The following HPSE2 variants were observed in gnomAD, a reference collection of about 807,000 sequenced individuals.
HPSE2 encodes inactive heparanase-2.
In HPSE2, 38 loss-of-function variants were observed where a neutral mutation model predicts 60.5. That is an observed-to-expected ratio of 0.63 (90% CI 0.48 to 0.82). The LOEUF is 0.82. Ranked by LOEUF, HPSE2 falls within the 40% of genes least tolerant of loss-of-function variation. The probability of loss-of-function intolerance (pLI) is 0.00; values close to 1 mark genes in which losing one functional copy is unlikely to be tolerated. For synonymous variants in HPSE2, 295 were observed against 293.2 expected, an observed-to-expected ratio of 1.01 and a Z score of -0.06; for missense variants, 713 against 740.4, an observed-to-expected ratio of 0.96 and a Z score of 0.43.
chr10:98,981,603 T>C (rs187402306), intron 3 of HPSE2, among the ~76,000 whole-genome samples: 1 of 152,318 alleles, frequency 6.6e-6, no homozygotes, highest in African/African-American at 2.4e-5. Flanking sequence ...AGTCTTTGCA[T>C]AAAAGGACAC....
At chr10:98,529,201 G>A (rs17110158) in intron 9 of HPSE2, among the ~76,000 whole-genome samples, 10,990 of 152,196 alleles carry the variant, frequency 0.072, 1,289 homozygotes, top group African/African-American at 0.25. Context: ...AGCCTCTTTC[G>A]AAACTTCTAA....
intron 9 of HPSE2, among the ~76,000 whole-genome samples, chr10:98,535,801 G>C (rs1337900241): frequency 1.3e-5 from 2 of 152,042 alleles, no homozygotes; most frequent in Non-Finnish European, 2.9e-5. Context: ...CTCTTCATTA[G>C]ACCTTTCCAG....
intron 2 of HPSE2, among the ~76,000 whole-genome samples, chr10:99,184,478 T>C (rs1440614041): frequency 2.5e-5 from 3 of 122,328 alleles, no homozygotes; most frequent in African/African-American, 9.9e-5. Flanking sequence ...TGAGTTGAGA[T>C]CATGCCATTG....
At chr10:98,539,997 G>A (rs1409847662) in intron 9 of HPSE2, among the ~76,000 whole-genome samples, 1 of 152,220 alleles carries the variant, frequency 6.6e-6, no homozygotes, top group Non-Finnish European at 1.5e-5. Context: ...GGCCCTGCCT[G>A]GTCAGTGACA....
chr10:98,906,831 G>C (rs1953832498), intron 3 of HPSE2, among the ~76,000 whole-genome samples: 1 of 151,888 alleles, frequency 6.6e-6, no homozygotes, highest in Admixed American at 6.6e-5. Flanking sequence ...GTGAACCTGG[G>C]AGACAGAGGT....
intron 2 of HPSE2, among the ~76,000 whole-genome samples, chr10:99,217,562 C>T (rs1269974728): frequency 6.9e-6 from 1 of 144,478 alleles, no homozygotes; most frequent in Admixed American, 7.1e-5. Context: ...TTGAATTGGC[C>T]TAGGACCCAG....
chr10:99,039,709 G>GATGATCAT (rs895304376), intron 3 of HPSE2, among the ~76,000 whole-genome samples: 1 of 151,912 alleles, frequency 6.6e-6, no homozygotes, highest in Non-Finnish European at 1.5e-5. Context: ...TCATCATATT[G>GATGATCAT]CAATGGATTA....
intron 3 of HPSE2, among the ~76,000 whole-genome samples, chr10:98,809,904 G>A (rs183134814): frequency 1.1e-4 from 16 of 152,066 alleles, no homozygotes; most frequent in Non-Finnish European, 2.2e-4. Flanking sequence ...TTCTGAAAAG[G>A]TTTTACTTAA....
At chr10:98,900,043 T>G (rs1457775569) in intron 3 of HPSE2, among the ~76,000 whole-genome samples, 1 of 152,202 alleles carries the variant, frequency 6.6e-6, no homozygotes. Context: ...AAGTTAAACA[T>G]ACACTTGCCA....
At chr10:99,170,067 G>C (rs73333741) in intron 2 of HPSE2, among the ~76,000 whole-genome samples, 2 of 152,098 alleles carry the variant, frequency 1.3e-5, no homozygotes, top group African/African-American at 4.8e-5. Flanking sequence ...TCTGCAGACT[G>C]TACTTTGCTG....
At chr10:98,505,350 G>C (rs1329163215) in intron 9 of HPSE2, among the ~76,000 whole-genome samples, 1 of 152,194 alleles carries the variant, frequency 6.6e-6, no homozygotes, top group Non-Finnish European at 1.5e-5. Flanking sequence ...AGGTGATTCT[G>C]ATGCTCATTA....
intron 3 of HPSE2, among the ~76,000 whole-genome samples, chr10:99,080,321 A>T (rs1843092802): frequency 6.6e-6 from 1 of 152,160 alleles, no homozygotes; most frequent in Non-Finnish European, 1.5e-5. Flanking sequence ...AATAGCAACA[A>T]AAAGTGCTCT....
rs752872927 is a variant in HPSE2 at position 98,935,999 on chromosome 10, G to A, written c.611-191943C>T. Among the ~76,000 whole-genome samples, 167 of 144,694 alleles carry A rather than the reference G, an allele frequency of 1.2e-3. 10 individuals carry two copies. The highest frequency in any genetic ancestry group is 1.6e-3 in the Non-Finnish European group (107 of 67,224). 94.9% of individuals were successfully genotyped at this position (144,694 alleles called of 152,430 possible). ...TGGTGGACTCCTGCAGGGATGCCCTGCCCGGTGAGGGGGTATCTAGAGAAG... is the reference window on the plus strand; with the variant it reads ...TGGTGGACTCCTGCAGGGATGCCCTACCCGGTGAGGGGGTATCTAGAGAAG... On this transcript the variant is annotated intron_variant, in intron 3 of 11. Coordinates refer to ENST00000370552, the MANE Select transcript of HPSE2 (RefSeq NM_021828.5).
intron 3 of HPSE2, among the ~76,000 whole-genome samples, chr10:98,820,084 T>C (rs989996716): frequency 6.6e-6 from 1 of 152,112 alleles, no homozygotes; most frequent in Admixed American, 6.5e-5. Context: ...AGTCAAATTT[T>C]ATTTGTCTTC....
chr10:98,901,136 A>G (rs906018781), intron 3 of HPSE2, among the ~76,000 whole-genome samples: 2 of 152,194 alleles, frequency 1.3e-5, no homozygotes, highest in East Asian at 1.9e-4. Flanking sequence ...CATTTATACG[A>G]AACTCTAGAA....
At chr10:98,854,458 T>C (rs753573067) in intron 3 of HPSE2, among the ~76,000 whole-genome samples, 1 of 152,210 alleles carries the variant, frequency 6.6e-6, no homozygotes, top group Non-Finnish European at 1.5e-5. Flanking sequence ...CTCATAACTT[T>C]TCAACTTCTC....
At chr10:98,884,014 GA>G (rs1953097898) in intron 3 of HPSE2, among the ~76,000 whole-genome samples, 1 of 152,022 alleles carries the variant, frequency 6.6e-6, no homozygotes, top group Non-Finnish European at 1.5e-5. Flanking sequence ...GAAGAAAATA[GA>G]AATTTCTACT....
chr10:99,292,498 T>C, the HPSE2 span, among the ~76,000 whole-genome samples: 67 of 152,224 alleles, frequency 4.4e-4, no homozygotes, highest in Middle Eastern at 3.4e-3. Context: ...CTAGGTATTA[T>C]AGACATGAAT....
the HPSE2 span, among the ~76,000 whole-genome samples, chr10:99,292,724 A>AT: frequency 2.0e-5 from 3 of 152,310 alleles, no homozygotes; most frequent in Admixed American, 6.5e-5. Context: ...TAATATAAAA[A>AT]TGAGATATTT....
Sources: gnomAD v4.1 joint callset for allele counts (sites outside exome capture counted in the v4.1 genomes callset) on GRCh38, gnomAD v4.1.1 for gene constraint, MANE v1.5 for transcripts, NCBI Gene and HGNC (gene_info 2026-07-23, HGNC 2026-07-21) for gene names.